Variants in SEPTIN5 observed in about 807,000 individuals in gnomAD.
SEPTIN5 encodes the protein septin-5.
Under a neutral mutation model 51.2 loss-of-function variants are expected in SEPTIN5, and 16 were observed. The ratio of observed to expected loss-of-function variants is 0.31; its 90% CI spans 0.21 to 0.47. The LOEUF (loss-of-function observed/expected upper bound fraction) is 0.47, where lower values mean the gene tolerates loss of function less well. Ranked by LOEUF, SEPTIN5 falls within the 20% of genes least tolerant of loss-of-function variation. SEPTIN5 has a pLI of 0.99. For synonymous variants in SEPTIN5, 208 were observed against 191.2 expected, an observed-to-expected ratio of 1.09 and a Z score of -0.72; for missense variants, 376 against 500.3, an observed-to-expected ratio of 0.75 and a Z score of 2.37.
rs1935985637 is a variant in SEPTIN5, at chr22:19,719,654, G to A, written c.107G>A (p.Arg36His). 3.1e-6 allele frequency: 5 copies of A among 1,613,012 alleles called. No homozygotes were observed. Among genetic ancestry groups the A allele is most frequent in the Non-Finnish European group, 4.2e-6 (5 of 1,179,968 alleles). ...GCCACACTGCCCAACCAGGTGCACC[G>A]CAAGTCGGTGAAGAAAGGCTTTGAC... is the stretch of plus-strand genomic sequence containing the variant. ...GFATLPNQVHRKSVKKGFDFT... is the reference protein window; with the variant it reads ...GFATLPNQVHHKSVKKGFDFT... The change falls in exon 3 of 12, where the codon CGC becomes CAC. Residue 36 changes from arginine to histidine, a missense_variant. Physicochemically the swap from Arg to His is conservative, Grantham distance 29. This residue lies in a region of SEPTIN5 where 287 missense variants were observed against 417.1 expected (regional missense o/e 0.69). Coordinates refer to ENST00000455784, the MANE Select transcript of SEPTIN5 (RefSeq NM_002688.6).
rs1291643066 is a variant in SEPTIN5 at position 19,722,469 on chromosome 22, G to A, written c.1095G>A (p.Gln365=). The part of the protein sequence containing the change: ...MQEMLQRMKQ[Q]MQDQ ...AGATGCTGCAGAGGATGAAGCAGCA[G>A]ATGCAGGACCAGTGACGCTCGCCGC... The change falls in exon 12 of 12, where the codon CAG becomes CAA. Residue 365 remains glutamine (Q), a synonymous_variant. Coordinates refer to ENST00000455784, the MANE Select transcript of SEPTIN5 (RefSeq NM_002688.6). 6.2e-7 allele frequency: 1 copy of A among 1,600,108 alleles called. No individual in the cohort carries two copies. The highest frequency in any genetic ancestry group is 2.3e-5 in the East Asian group (1 of 43,990).
chr22:19,717,108 C>A (rs919363024), intron 2 of SEPTIN5: 3 of 332,964 alleles, frequency 9.0e-6, no homozygotes, highest in Middle Eastern at 1.1e-3. Context: ...CCAGGCCCCA[C>A]AACAGGACCA....
intron 2 of SEPTIN5, chr22:19,717,180 C>T (rs899584236): frequency 6.9e-5 from 13 of 187,424 alleles, no homozygotes; most frequent in African/African-American, 2.7e-4. Context: ...GGGCTGGTGG[C>T]GGGTGGGGTG....
Position 19,721,863 on chromosome 22 carries a change from A to G in SEPTIN5, c.856A>G (p.Met286Val). 1 of 1,611,300 alleles carries G rather than the reference A, an allele frequency of 6.2e-7. No homozygotes were observed. Residue 286 changes from methionine (M) to valine (V), a missense_variant, in exon 10 of 12, where the codon ATG (methionine) becomes GTG (valine). Around this residue, in one of 2 missense-constraint regions of SEPTIN5, gnomAD observed 287 missense variants for 417.1 expected, o/e 0.69. Coordinates refer to ENST00000455784, the MANE Select transcript of SEPTIN5 (RefSeq NM_002688.6). ...TTGCGACTTCGTGAAGCTGCGCAAC[A>G]TGCTCATCCGCACGCATATGCACGA... Reference protein sequence around the residue: ...AHCDFVKLRNMLIRTHMHDLK... With the variant: ...AHCDFVKLRNVLIRTHMHDLK...
chr22:19,720,966 C>A, intron 8 of SEPTIN5, 97 bp downstream of exon 8: 2 of 1,019,582 alleles, frequency 2.0e-6, no homozygotes, highest in Non-Finnish European at 1.5e-6. Context: ...TGGAGGAGGG[C>A]CAGGTCAGCC....
chr22:19,714,623 C>A lies in SEPTIN5; in HGVS notation c.35C>A (p.Ala12Glu). ...STGLRYKSKLATPEDKQDIDK... is the reference protein window; with the variant it reads ...STGLRYKSKLETPEDKQDIDK... ...GGCCTGCGGTACAAGAGCAAGCTGG[C>A]GACCCCAGGTGAGCCCAGCGCCTGC... The change falls in exon 1 of 12, where the codon GCG becomes GAG. Residue 12 changes from alanine (A) to glutamate (E), a missense_variant. Ala to Glu is a moderately radical substitution (Grantham distance 107). Coordinates refer to ENST00000455784, the MANE Select transcript of SEPTIN5 (RefSeq NM_002688.6). The surrounding 1 kb of genome is among the most constrained non-coding windows in gnomAD (Gnocchi z 5.2). The A allele has an allele frequency of 2.0e-6, 3 of 1,505,670 alleles. No individual in the cohort carries two copies. The highest frequency in any genetic ancestry group is 1.8e-6 in the Non-Finnish European group (2 of 1,132,706). 93.3% of individuals were successfully genotyped at this position (1,505,670 alleles called of 1,614,324 possible). A position where few individuals can be genotyped will look rare whatever the true frequency, so the allele number is the denominator to read the frequency against.
intron 2 of SEPTIN5, among the ~76,000 whole-genome samples, chr22:19,715,613 A>T (rs529160650): frequency 1.3e-5 from 2 of 152,180 alleles, no homozygotes; most frequent in African/African-American, 4.8e-5. Context: ...GAAGAGCCCA[A>T]TTCTGGCACC....
At chr22:19,717,243 C>G (rs1935924543) in intron 2 of SEPTIN5, 1 of 467,224 alleles carries the variant, frequency 2.1e-6, no homozygotes, top group African/African-American at 2.0e-5. Flanking sequence ...GGGGCTTGGC[C>G]TGACCAGTCC....
chr22:19,723,060 C>A lies in SEPTIN5; in HGVS notation c.*576C>A. On this transcript the variant is annotated 3_prime_UTR_variant, in exon 12 of 12. Coordinates refer to ENST00000455784, the MANE Select transcript of SEPTIN5 (RefSeq NM_002688.6). ...AGCGGGGTCGTGACCGCTTACACCC[C>A]TTCTCCACAGCCCGGCCCGACCTGG... 1 of 505,614 alleles carries A rather than the reference C, an allele frequency of 2.0e-6. No individual in the cohort carries two copies. Among genetic ancestry groups the A allele is most frequent in the South Asian group, 1.7e-5 (1 of 59,848 alleles). 31.3% of individuals were successfully genotyped at this position (505,614 alleles called of 1,614,324 possible).
At chr22:19,718,590 C>T in intron 2 of SEPTIN5, 1 of 1,291,018 alleles carries the variant, frequency 7.7e-7, no homozygotes, top group Non-Finnish European at 9.8e-7. Flanking sequence ...CGTGCCCTGT[C>T]CAGGCCTCAC....
intron 4 of SEPTIN5, 99 bp downstream of exon 4, chr22:19,719,991 C>A: frequency 6.3e-7 from 1 of 1,599,552 alleles, no homozygotes; most frequent in Non-Finnish European, 8.5e-7. Context: ...CTGTTCTGTT[C>A]TCGCGGTGTG....
rs769216348 is a variant in SEPTIN5, at chr22:19,721,728, T to C, written c.806T>C (p.Ile269Thr). 5.0e-6 allele frequency: 8 copies of C among 1,608,464 alleles called. No homozygotes were observed. The South Asian group carries it at 8.8e-5, about 18-fold the overall frequency. ...RVRGRLYPWG[I>T]VEVENQAHCD... is the part of the protein sequence containing the mutation. ...CGGGGCCGACTGTACCCCTGGGGGATCGTGGAGGGTGAGTAGAGTCTTGGG... is the reference window on the plus strand; with the variant it reads ...CGGGGCCGACTGTACCCCTGGGGGACCGTGGAGGGTGAGTAGAGTCTTGGG... The change falls in exon 9 of 12, where the codon ATC becomes ACC. Residue 269 changes from isoleucine to threonine, a missense_variant. Transcript: ENST00000455784.
rs750942019 is a variant in SEPTIN5 at position 19,722,417 on chromosome 22, T to C, written c.1054-11T>C. ...GGTGCTGCTCACCCGCCGGGTTGTCTCCGCCCGCAGCTGAGGCGCATGCAG... is the reference window on the plus strand; with the variant it reads ...GGTGCTGCTCACCCGCCGGGTTGTCCCCGCCCGCAGCTGAGGCGCATGCAG... On this transcript the variant is annotated splice_polypyrimidine_tract_variant and intron_variant, in intron 11 of 11. Coordinates refer to ENST00000455784, the MANE Select transcript of SEPTIN5 (RefSeq NM_002688.6). The C allele has an allele frequency of 3.1e-6, 5 of 1,599,022 alleles. No individual in the cohort carries two copies. The highest frequency in any genetic ancestry group is 1.1e-5 in the South Asian group (1 of 89,368).
chr22:19,716,097 C>T (rs1034822607), intron 2 of SEPTIN5, among the ~76,000 whole-genome samples: 1 of 152,212 alleles, frequency 6.6e-6, no homozygotes, highest in African/African-American at 2.4e-5. Flanking sequence ...AGGGTGGGGA[C>T]CCCCTCCTGC....
At chr22:19,715,361 A>T (rs2145784501) in intron 2 of SEPTIN5, among the ~76,000 whole-genome samples, 1 of 152,316 alleles carries the variant, frequency 6.6e-6, no homozygotes, top group South Asian at 2.1e-4. Flanking sequence ...GGGTCCTGGG[A>T]CCCTGTGGGT....
chr22:19,715,897 G>T (rs187714355), intron 2 of SEPTIN5, among the ~76,000 whole-genome samples: 25 of 152,332 alleles, frequency 1.6e-4, no homozygotes, highest in Admixed American at 1.4e-3. Flanking sequence ...AGCCTGAGAT[G>T]CAGGGACACA....
chr22:19,715,674 G>A (rs1935902513), intron 2 of SEPTIN5, among the ~76,000 whole-genome samples: 1 of 152,254 alleles, frequency 6.6e-6, no homozygotes, highest in African/African-American at 2.4e-5. Flanking sequence ...AGGAGCCATG[G>A]ATGCTGAGTG....
chr22:19,720,846 AAGC>A lies in SEPTIN5; in HGVS notation c.700_702del (p.Gln234del). 6.2e-7 allele frequency: 1 copy of A among 1,613,748 alleles called. No individual in the cohort carries two copies. The highest frequency in any genetic ancestry group is 8.5e-7 in the Non-Finnish European group (1 of 1,179,976). On this transcript the variant is annotated inframe_deletion, in exon 8 of 12. Transcript: ENST00000455784. Reference sequence around the variant, plus strand: ...TGACTCGGACGAGGATGAGGACTTCAAGCAGCAGGACCGGGAACTGAAGGTGAA... The same window carrying A: ...TGACTCGGACGAGGATGAGGACTTCAAGCAGGACCGGGAACTGAAGGTGAA...
intron 2 of SEPTIN5, chr22:19,718,973 G>A (rs1935965797): frequency 2.8e-6 from 2 of 718,308 alleles, no homozygotes; most frequent in Non-Finnish European, 3.8e-6. Flanking sequence ...CCACGGTGGG[G>A]CGACGTGCCC....
Sources: gnomAD v4.1 joint callset for allele counts (sites outside exome capture counted in the v4.1 genomes callset) on GRCh38, gnomAD v4.1.1 for gene constraint, gnomAD v4.1.1 regional missense constraint, Gnocchi (gnomAD v3.1) non-coding constraint, MANE v1.5 for transcripts, NCBI Gene and HGNC (gene_info 2026-07-23, HGNC 2026-07-21) for gene names.